ROBO1: variants seen among roughly 807,000 people sequenced by gnomAD.
The protein encoded by ROBO1 is roundabout homolog 1.
In ROBO1, 149 loss-of-function variants were observed where a neutral mutation model predicts 195.9. That is an observed-to-expected ratio of 0.76 (90% CI 0.67 to 0.87). ROBO1 has a LOEUF of 0.87. Ranked by LOEUF, ROBO1 falls within the 40% of genes least tolerant of loss-of-function variation. The pLI is 0.00. For missense variants in ROBO1, 1,933 were observed against 2,068.3 expected (o/e 0.93, Z 1.27); for synonymous variants, 816 against 733.2 (o/e 1.11, Z -1.82).
chr3:78,840,755 T>C (rs979559933), intron 4 of ROBO1, among the ~76,000 whole-genome samples: 2 of 152,136 alleles, frequency 1.3e-5, no homozygotes, highest in East Asian at 1.9e-4. Flanking sequence ...ATTCTACTAA[T>C]GAAATTATCA....
At chr3:78,664,261 A>T (rs913631642) in intron 14 of ROBO1, among the ~76,000 whole-genome samples, 2 of 152,196 alleles carry the variant, frequency 1.3e-5, no homozygotes, top group African/African-American at 4.8e-5. Flanking sequence ...CTCCAGCCAA[A>T]CTGTTTCCCC....
chr3:79,197,481 C>T (rs369402375), intron 2 of ROBO1, among the ~76,000 whole-genome samples: 11 of 151,886 alleles, frequency 7.2e-5, no homozygotes, highest in South Asian at 4.1e-4. Context: ...CCATTGTGAA[C>T]GGTGCCACAA....
intron 4 of ROBO1, among the ~76,000 whole-genome samples, chr3:78,857,853 C>T (rs1277320420): frequency 2.6e-5 from 4 of 152,112 alleles, no homozygotes; most frequent in African/African-American, 7.2e-5. Flanking sequence ...TAAGGGCGAC[C>T]CTTTTTCTCT....
chr3:79,430,144 T>C (rs1347296424), intron 2 of ROBO1, among the ~76,000 whole-genome samples: 2 of 152,068 alleles, frequency 1.3e-5, no homozygotes, highest in African/African-American at 2.4e-5. Context: ...AATTAAAGAC[T>C]TTAACTAAAT....
intron 2 of ROBO1, among the ~76,000 whole-genome samples, chr3:79,573,054 A>G (rs1353368638): frequency 6.6e-6 from 1 of 152,056 alleles, no homozygotes; most frequent in East Asian, 1.9e-4. Context: ...TAAATAATAC[A>G]CATGTATTTT....
At chr3:78,628,129 T>G (rs1380938975) in intron 25 of ROBO1, among the ~76,000 whole-genome samples, 1 of 152,114 alleles carries the variant, frequency 6.6e-6, no homozygotes, top group African/African-American at 2.4e-5. Context: ...AATTTTTGTA[T>G]TTTTAGTAGA....
At chr3:79,499,019 A>G (rs1304011783) in intron 2 of ROBO1, among the ~76,000 whole-genome samples, 1 of 151,986 alleles carries the variant, frequency 6.6e-6, no homozygotes, top group East Asian at 1.9e-4. Context: ...TATGTGATGG[A>G]ATTTTGCTTT....
chr3:78,821,683 A>G (rs371943950), intron 4 of ROBO1, among the ~76,000 whole-genome samples: 9 of 152,188 alleles, frequency 5.9e-5, no homozygotes, highest in African/African-American at 1.7e-4. Context: ...CCCAGCTCTC[A>G]TAACAGCACA....
intron 2 of ROBO1, among the ~76,000 whole-genome samples, chr3:79,287,844 T>G (rs1383551849): frequency 1.3e-5 from 2 of 152,144 alleles, no homozygotes; most frequent in Non-Finnish European, 2.9e-5. Flanking sequence ...TAATTTCTAG[T>G]GTAGTGACAT....
chr3:78,603,013 A>G (rs1703264581), intron 29 of ROBO1, among the ~76,000 whole-genome samples: 1 of 152,194 alleles, frequency 6.6e-6, no homozygotes, highest in Non-Finnish European at 1.5e-5. Context: ...TTTTGACTCT[A>G]AAAAGTTTCT....
intron 4 of ROBO1, among the ~76,000 whole-genome samples, chr3:78,891,365 A>G (rs1480675540): frequency 2.0e-5 from 3 of 152,178 alleles, no homozygotes; most frequent in African/African-American, 7.2e-5. Flanking sequence ...AAAAAATTCA[A>G]CATCATGAAG....
chr3:78,899,650 GTTAATA>G (rs1353185430), intron 4 of ROBO1, among the ~76,000 whole-genome samples: 1 of 152,062 alleles, frequency 6.6e-6, no homozygotes. Flanking sequence ...ATATTCAAAA[GTTAATA>G]TTAAACATCG....
chr3:79,270,881 A>T (rs1474092053), intron 2 of ROBO1, among the ~76,000 whole-genome samples: 1 of 151,950 alleles, frequency 6.6e-6, no homozygotes, highest in East Asian at 1.9e-4. Flanking sequence ...ATGTAATCAT[A>T]TTTATCTTAT....
intron 1 of ROBO1, among the ~76,000 whole-genome samples, chr3:79,653,824 A>G (rs1946082766): frequency 6.6e-6 from 1 of 151,976 alleles, no homozygotes; most frequent in African/African-American, 2.4e-5. Flanking sequence ...CTATTCATCT[A>G]TACAGTATTA....
At chr3:79,352,220 A>C (rs2035370150) in intron 2 of ROBO1, among the ~76,000 whole-genome samples, 1 of 152,122 alleles carries the variant, frequency 6.6e-6, no homozygotes, top group African/African-American at 2.4e-5. Context: ...GGAATAAATA[A>C]ATTTCTGAAC....
chr3:78,975,386 T>C (rs1318950963), intron 3 of ROBO1, among the ~76,000 whole-genome samples: 1 of 152,076 alleles, frequency 6.6e-6, no homozygotes, highest in African/African-American at 2.4e-5. Flanking sequence ...TTATCAGTGG[T>C]TTCATAAAAA....
chr3:79,271,080 A>G (rs1294447407), intron 2 of ROBO1, among the ~76,000 whole-genome samples: 1 of 151,930 alleles, frequency 6.6e-6, no homozygotes, highest in Non-Finnish European at 1.5e-5. Context: ...CAATTAACTG[A>G]TCAATTTTAT....
chr3:79,253,953 G>A (rs1014461192), intron 2 of ROBO1, among the ~76,000 whole-genome samples: 2 of 152,110 alleles, frequency 1.3e-5, no homozygotes, highest in Non-Finnish European at 2.9e-5. Flanking sequence ...ATGATTTAAC[G>A]TCTCTGCAAT....
intron 1 of ROBO1, among the ~76,000 whole-genome samples, chr3:79,713,513 G>A (rs1208790778): frequency 6.6e-6 from 1 of 152,068 alleles, no homozygotes; most frequent in African/African-American, 2.4e-5. Context: ...TTCATTGGAG[G>A]TAGTAACTGC....
Sources: allele counts gnomAD v4.1 joint callset (sites outside exome capture counted in the v4.1 genomes callset), GRCh38; gene constraint gnomAD v4.1.1; transcripts MANE v1.5; gene names NCBI Gene and HGNC (gene_info 2026-07-23, HGNC 2026-07-21).